The following DNM2 variants were observed in gnomAD, a reference collection of about 807,000 sequenced individuals.
DNM2 encodes dynamin-2.
Under a neutral mutation model 99.0 loss-of-function variants are expected in DNM2, and 15 were observed. That is an observed-to-expected ratio of 0.15 (90% CI 0.10 to 0.23). DNM2 has a LOEUF of 0.23. Among genes scored for constraint, DNM2 ranks in the 10% least tolerant of loss-of-function variants. The probability of loss-of-function intolerance (pLI) is 1.00; values close to 1 mark genes in which losing one functional copy is unlikely to be tolerated. For missense variants in DNM2, 742 were observed against 1,189.4 expected (o/e 0.62, Z 5.53); for synonymous variants, 525 against 481.2 (o/e 1.09, Z -1.19).
chr19:10,782,653 C>T (rs1025412909), intron 5 of DNM2, among the ~76,000 whole-genome samples: 5 of 152,060 alleles, frequency 3.3e-5, no homozygotes, highest in Non-Finnish European at 7.4e-5. Flanking sequence ...CCACCGCTCC[C>T]GGCCGAGATT....
chr19:10,752,025 A>G (rs1280481497), intron 1 of DNM2, among the ~76,000 whole-genome samples: 1 of 152,046 alleles, frequency 6.6e-6, no homozygotes, highest in African/African-American at 2.4e-5. Context: ...TACAATCTAA[A>G]CCAATTTTGG....
chr19:10,729,642 T>A (rs1200088940), intron 1 of DNM2, among the ~76,000 whole-genome samples: 1 of 152,076 alleles, frequency 6.6e-6, no homozygotes, highest in African/African-American at 2.4e-5. Context: ...ATGCCGACTT[T>A]TCTAAATTTG....
At chr19:10,734,802 A>C (rs902779959) in intron 1 of DNM2, among the ~76,000 whole-genome samples, 15 of 147,640 alleles carry the variant, frequency 1.0e-4, no homozygotes, top group Non-Finnish European at 1.9e-4. Flanking sequence ...AAACAAAATC[A>C]CCCCTTTTCC....
At chr19:10,787,727 C>T (rs2071610809) in intron 7 of DNM2, among the ~76,000 whole-genome samples, 1 of 149,038 alleles carries the variant, frequency 6.7e-6, no homozygotes, top group Admixed American at 6.8e-5. Context: ...TGCACTCCAG[C>T]CTGGGTGATC....
At chr19:10,828,547 A>G (rs2073225429) in intron 18 of DNM2, among the ~76,000 whole-genome samples, 1 of 151,596 alleles carries the variant, frequency 6.6e-6, no homozygotes, top group Non-Finnish European at 1.5e-5. Context: ...AGATTGCACC[A>G]CTGCACTCCA....
chr19:10,757,347 G>T lies in DNM2; in HGVS notation c.162-2391G>T, dbSNP rs553474958. 6.5e-4 allele frequency among the ~76,000 whole-genome samples: 99 copies of T among 152,322 alleles called. No homozygotes were observed. In the South Asian group the frequency reaches 0.019, roughly 29 times the overall value. ...GACGGGCTAGAACCCATCATCCAGG[G>T]TGTGTGGAAAGAGCACATCTCCCCC... On this transcript the variant is annotated intron_variant, in intron 1 of 20. Transcript: ENST00000389253.
At position 10,820,871 on chromosome 19, in the gene DNM2, A is replaced by G. The variant is rs1290510381; in HGVS notation, c.1781+782A>G. On this transcript the variant is annotated intron_variant, in intron 16 of 20. Transcript: ENST00000389253. The surrounding 1 kb of genome is among the most constrained non-coding windows in gnomAD (Gnocchi z 4.3). Reference sequence around the variant, plus strand: ...GAGAATGGGAGGCCCCAGGAAGCTCACAGTACATCTGTCCCATGAGGCGTA... The same window carrying G: ...GAGAATGGGAGGCCCCAGGAAGCTCGCAGTACATCTGTCCCATGAGGCGTA... Among the ~76,000 whole-genome samples, 1 of 152,216 alleles carries G rather than the reference A, an allele frequency of 6.6e-6. No homozygotes were observed. Among genetic ancestry groups the G allele is most frequent in the Non-Finnish European group, 1.5e-5 (1 of 68,026 alleles).
At chr19:10,760,772 A>G (rs955620452) in intron 2 of DNM2, among the ~76,000 whole-genome samples, 8 of 138,916 alleles carry the variant, frequency 5.8e-5, no homozygotes, top group African/African-American at 2.2e-4. Flanking sequence ...AATCCTCTCC[A>G]ATCAGCCTCT....
intron 10 of DNM2, chr19:10,798,250 G>A (rs926932223): frequency 3.3e-5 from 19 of 568,546 alleles, no homozygotes; most frequent in African/African-American, 1.9e-4. Flanking sequence ...CCTGCCCCCC[G>A]GTCACTGGCT....
intron 8 of DNM2, among the ~76,000 whole-genome samples, chr19:10,794,428 A>C (rs1474104222): frequency 6.7e-6 from 1 of 150,294 alleles, no homozygotes; most frequent in Non-Finnish European, 1.5e-5. Context: ...AGCATTTTTT[A>C]TTAAAAAAAC....
In DNM2 at chr19:10,830,860, C is replaced by T. The variant is rs2073323402; in HGVS notation, c.2544-118C>T. 7.8e-7 allele frequency: 1 copy of T among 1,288,998 alleles called. No homozygotes were observed. Among genetic ancestry groups the T allele is most frequent in the Admixed American group, 2.8e-5 (1 of 35,898 alleles). 79.8% of individuals were successfully genotyped at this position (1,288,998 alleles called of 1,614,324 possible). A position where few individuals can be genotyped will look rare whatever the true frequency, so the allele number is the denominator to read the frequency against. ...CACCCTGGTGGCTTGCGGAGGTCAGCCTGGGAACACCCTGGGGTGGTGTGT... is the reference window on the plus strand; with the variant it reads ...CACCCTGGTGGCTTGCGGAGGTCAGTCTGGGAACACCCTGGGGTGGTGTGT... On this transcript the variant is annotated intron_variant, in intron 20 of 20. Transcript: ENST00000389253. The surrounding 1 kb of genome is among the most constrained non-coding windows in gnomAD (Gnocchi z 4.8).
intron 5 of DNM2, among the ~76,000 whole-genome samples, chr19:10,777,987 T>A (rs928021910): frequency 6.6e-6 from 1 of 151,864 alleles, no homozygotes; most frequent in Non-Finnish European, 1.5e-5. Flanking sequence ...GTTATTATTA[T>A]TATTTTCTTC....
At position 10,783,212 on chromosome 19, in the gene DNM2, G is replaced by C. The variant is rs1012731821; in HGVS notation, c.849+92G>C. 1.9e-6 allele frequency: 3 copies of C among 1,571,884 alleles called. No homozygotes were observed. In the African/African-American group the frequency reaches 4.0e-5, roughly 21 times the overall value. On this transcript the variant is annotated intron_variant, in intron 6 of 20. Coordinates refer to ENST00000389253, the MANE Select transcript of DNM2 (RefSeq NM_001005361.3). ...TCACTGGCACTTGTTTCAGGCTAGA[G>C]CAGCACTTGTTTTAGCAAAATGGGT...
At chr19:10,757,719 C>T (rs1249678689) in intron 1 of DNM2, among the ~76,000 whole-genome samples, 1 of 152,050 alleles carries the variant, frequency 6.6e-6, no homozygotes, top group African/African-American at 2.4e-5. Flanking sequence ...CCAAGGCGGG[C>T]AGATCACCTG....
chr19:10,734,851 C>A (rs2069466704), intron 1 of DNM2, among the ~76,000 whole-genome samples: 2 of 149,238 alleles, frequency 1.3e-5, no homozygotes, highest in African/African-American at 2.5e-5. Context: ...TGTCGGATCT[C>A]CTTAAGCCTT....
chr19:10,757,715 C>T (rs908153713), intron 1 of DNM2, among the ~76,000 whole-genome samples: 2 of 152,006 alleles, frequency 1.3e-5, no homozygotes, highest in Admixed American at 6.6e-5. Flanking sequence ...GAGGCCAAGG[C>T]GGGCAGATCA....
rs115525184 is a variant in DNM2 at position 10,776,261 on chromosome 19, C to A, written c.589+355C>A. Among the ~76,000 whole-genome samples the A allele has an allele frequency of 3.3e-3, 497 of 152,350 alleles. 2 individuals carry two copies. The highest frequency in any genetic ancestry group is 0.011 in the African/African-American group (463 of 41,578). ...AGACATGGTCCCCTCTTAGTCAGAA[C>A]GGGAACTTCAGTCCTAACCCAGATA... On this transcript the variant is annotated intron_variant, in intron 4 of 20. Transcript: ENST00000389253.
At chr19:10,829,538 G>A (rs2073261143) in intron 19 of DNM2, among the ~76,000 whole-genome samples, 1 of 152,234 alleles carries the variant, frequency 6.6e-6, no homozygotes, top group South Asian at 2.1e-4. Context: ...AGCCCAAATG[G>A]AAGCTGGGGT....
At chr19:10,786,877 G>T (rs1312251211) in intron 7 of DNM2, 171 bp downstream of exon 7, 2 of 1,389,808 alleles carry the variant, frequency 1.4e-6, no homozygotes, top group African/African-American at 1.4e-5. Context: ...ATTCGCCCCA[G>T]TGGAGGGGAC....
Sources: allele counts gnomAD v4.1 joint callset (sites outside exome capture counted in the v4.1 genomes callset), GRCh38; gene constraint gnomAD v4.1.1; non-coding constraint Gnocchi (gnomAD v3.1); transcripts MANE v1.5; gene names NCBI Gene and HGNC (gene_info 2026-07-23, HGNC 2026-07-21).